The following ZNF385A variants were observed in gnomAD, a reference collection of about 807,000 sequenced individuals.
ZNF385A encodes hematopoietic zinc finger protein.
ZNF385A carries 14 observed loss-of-function variants against 32.1 expected under a neutral mutation model. The observed-to-expected ratio is 0.44, with a 90% CI of 0.29 to 0.68. The LOEUF is 0.68. Ranked by LOEUF, ZNF385A falls within the 30% of genes least tolerant of loss-of-function variation. The pLI is 0.14. For missense variants in ZNF385A, 406 were observed against 478.4 expected (o/e 0.85, Z 1.41); for synonymous variants, 197 against 202.7 (o/e 0.97, Z 0.24).
chr12:54,370,298 G>T lies in ZNF385A; in HGVS notation c.1059C>A (p.Pro353=). Residue 353 remains proline, a synonymous_variant, in exon 7 of 7, where the codon CCC becomes CCA. Transcript: ENST00000394313. The surrounding 1 kb of genome is among the most constrained non-coding windows in gnomAD (Gnocchi z 5.5). ...GGATGGGTCCGTGCGCAGTTCGGATGGGTCCGGGGGCCGGGTGAAGCAGAG... is the reference window on the plus strand; with the variant it reads ...GGATGGGTCCGTGCGCAGTTCGGATTGGTCCGGGGGCCGGGTGAAGCAGAG... ...THPLLHPAPG[P]IRTAHGPILF... 6.7e-7 allele frequency: 1 copy of T among 1,481,904 alleles called. No homozygotes were observed. Among genetic ancestry groups the T allele is most frequent in the African/African-American group, 1.4e-5 (1 of 71,194 alleles). 91.8% of individuals were successfully genotyped at this position (1,481,904 alleles called of 1,614,324 possible).
chr12:54,381,015 G>A (rs1480689745), intron 1 of ZNF385A, among the ~76,000 whole-genome samples: 1 of 151,944 alleles, frequency 6.6e-6, no homozygotes, highest in African/African-American at 2.4e-5. Context: ...GGCCAACATG[G>A]TGAAGCCCTG....
chr12:54,384,710 G>A lies in ZNF385A; in HGVS notation c.-196C>T. On this transcript the variant is annotated 5_prime_UTR_variant, in exon 1 of 7. Transcript: ENST00000394313. ...ACATAGTGTACACACTTCCCCTGCT[G>A]GCTCCAGAGCAATGGAGCACAGTGC... 2.2e-6 allele frequency: 3 copies of A among 1,350,210 alleles called. No homozygotes were observed. The highest frequency in any genetic ancestry group is 3.0e-5 in the East Asian group (1 of 33,602). The allele number at this position is 1,350,210 out of a possible 1,614,324, so 83.6% of individuals were successfully genotyped here.
At chr12:54,387,732 CT>C (rs1458100283), upstream of ZNF385A, among the ~76,000 whole-genome samples, 10 of 152,308 alleles carry the variant, frequency 6.6e-5, no homozygotes, top group African/African-American at 2.4e-4. Context: ...ACAGTGAGAA[CT>C]CAATAAATAT....
chr12:54,384,748 G>C, upstream of ZNF385A: 1 of 1,298,776 alleles, frequency 7.7e-7, no homozygotes, highest in Non-Finnish European at 9.8e-7. Flanking sequence ...TGTGGGCCTG[G>C]GGGAGGGTGT....
intron 1 of ZNF385A, among the ~76,000 whole-genome samples, chr12:54,382,070 A>ATT (rs1365865153): frequency 2.8e-5 from 4 of 142,996 alleles, no homozygotes; most frequent in Admixed American, 7.0e-5. Flanking sequence ...GTTAAATTGA[A>ATT]TTTTTTTTTT....
At chr12:54,388,788 G>C (rs1057131083), upstream of ZNF385A, among the ~76,000 whole-genome samples, 25 of 152,096 alleles carry the variant, frequency 1.6e-4, no homozygotes, top group African/African-American at 6.0e-4. Context: ...GCCTAAAATT[G>C]AGGGCGGGGG....
chr12:54,390,931 C>G (rs1031980963), intron 1 of ZNF385A, among the ~76,000 whole-genome samples: 1 of 152,042 alleles, frequency 6.6e-6, no homozygotes, highest in African/African-American at 2.4e-5. Flanking sequence ...CTCTCGTAGA[C>G]TGGTATATAA....
At chr12:54,388,046 AGT>A (rs10665764), upstream of ZNF385A, among the ~76,000 whole-genome samples, 4,351 of 140,216 alleles carry the variant, frequency 0.031, 119 homozygotes, top group African/African-American at 0.069. Flanking sequence ...AGTGTGTGTA[AGT>A]GTGTGTGTGT....
chr12:54,373,125 C>CTGTGTGTGTGTGTGTGTGTG (rs60672533), intron 3 of ZNF385A: 19 of 139,034 alleles, frequency 1.4e-4, no homozygotes, highest in African/African-American at 5.1e-4. Flanking sequence ...TGAGGGGGTT[C>CTGTGTGTGTGTGTGTGTGTG]TGTGTGTGTG....
chr12:54,374,024 C>G lies in ZNF385A; in HGVS notation c.310G>C (p.Ala104Pro). ...EPGVREPGDP[A>P]PPGSTPTNGD... ...TTTGTTGGGGTGCTGCCTGGGGGAG[C>G]TGGGTCTCCAGGTTCTCGGACGCCA... is the stretch of plus-strand genomic sequence containing the variant. The change falls in exon 3 of 7, where the codon GCT becomes CCT. Residue 104 changes from alanine (A) to proline (P), a missense_variant. Coordinates refer to ENST00000394313, the MANE Select transcript of ZNF385A (RefSeq NM_015481.3). 6.3e-7 allele frequency: 1 copy of G among 1,596,142 alleles called. No individual in the cohort carries two copies. The highest frequency in any genetic ancestry group is 8.6e-7 in the Non-Finnish European group (1 of 1,168,642).
chr12:54,373,576 TC>T (rs1954674574), intron 3 of ZNF385A, among the ~76,000 whole-genome samples: 1 of 152,148 alleles, frequency 6.6e-6, no homozygotes, highest in Admixed American at 6.5e-5. Flanking sequence ...GCACTCTCTG[TC>T]TTCCCCGAGG....
chr12:54,378,604 C>T (rs569497925), intron 1 of ZNF385A, among the ~76,000 whole-genome samples: 2 of 152,010 alleles, frequency 1.3e-5, no homozygotes, highest in Non-Finnish European at 2.9e-5. Flanking sequence ...CCCCACCCAC[C>T]AAAATTAAGA....
chr12:54,383,032 C>T (rs575660439), intron 1 of ZNF385A, among the ~76,000 whole-genome samples: 53 of 151,894 alleles, frequency 3.5e-4, no homozygotes, highest in Middle Eastern at 3.4e-3. Flanking sequence ...CATGGTGGTA[C>T]GTGCCTGTAA....
At chr12:54,371,851 A>T (rs567101352) in intron 3 of ZNF385A, 136 bp from the exon 4 acceptor site, 2 of 1,290,000 alleles carry the variant, frequency 1.6e-6, no homozygotes, top group South Asian at 2.7e-5. Flanking sequence ...GCATGCTCTC[A>T]TGCCCTGGTC....
intron 1 of ZNF385A, chr12:54,391,174 G>T: frequency 6.8e-7 from 1 of 1,464,750 alleles, no homozygotes; most frequent in Non-Finnish European, 9.1e-7. Context: ...GAGGGGGGCG[G>T]TGGGTGACCC....
upstream of ZNF385A, among the ~76,000 whole-genome samples, chr12:54,388,293 C>G (rs528907461): frequency 6.6e-6 from 1 of 152,196 alleles, no homozygotes; most frequent in Non-Finnish European, 1.5e-5. Context: ...TGTCCATTTT[C>G]ACATCCTACT....
chr12:54,384,683 G>A lies in ZNF385A; in HGVS notation c.-169C>T. 7.1e-7 allele frequency: 1 copy of A among 1,402,014 alleles called. No individual in the cohort carries two copies. The highest frequency in any genetic ancestry group is 9.2e-7 in the Non-Finnish European group (1 of 1,083,668). 86.8% of individuals were successfully genotyped at this position (1,402,014 alleles called of 1,614,324 possible). On this transcript the variant is annotated 5_prime_UTR_variant, in exon 1 of 7. Transcript: ENST00000394313. ...CACACTCAGAAGTGTCACCCTCAGT[G>A]CACATAGTGTACACACTTCCCCTGC...
intron 1 of ZNF385A, chr12:54,381,195 C>CA (rs57427387): frequency 0.12 from 6,898 of 55,318 alleles, 594 homozygotes; most frequent in African/African-American, 0.3. Flanking sequence ...GACTCTGTCT[C>CA]AAAAAAAAAA....
At chr12:54,371,345 A>C in intron 4 of ZNF385A, 128 bp downstream of exon 4, 1 of 1,308,152 alleles carries the variant, frequency 7.6e-7, no homozygotes, top group Non-Finnish European at 1.0e-6. Flanking sequence ...TGGCTGGAGA[A>C]GGAGACAGGC....
Sources: allele counts gnomAD v4.1 joint callset (sites outside exome capture counted in the v4.1 genomes callset), GRCh38; gene constraint gnomAD v4.1.1; non-coding constraint Gnocchi (gnomAD v3.1); transcripts MANE v1.5; gene names NCBI Gene and HGNC (gene_info 2026-07-23, HGNC 2026-07-21).